TYW1: variants seen among roughly 807,000 people sequenced by gnomAD.
The protein encoded by TYW1 is S-adenosyl-L-methionine-dependent tRNA 4-demethylwyosine synthase TYW1.
A neutral mutation model predicts 96.2 loss-of-function variants in TYW1; 46 were observed. The observed-to-expected ratio is 0.48, with a 90% CI of 0.38 to 0.61. The LOEUF is 0.61. TYW1 is among the 20% of genes least tolerant of loss of function. TYW1 has a pLI of 0.00. For missense variants in TYW1, 684 were observed against 909.6 expected (o/e 0.75, Z 3.19); for synonymous variants, 274 against 323.0 (o/e 0.85, Z 1.63).
intron 3 of TYW1, among the ~76,000 whole-genome samples, chr7:67,008,268 C>T (rs1000070642): frequency 2.6e-5 from 4 of 152,224 alleles, no homozygotes; most frequent in Admixed American, 2.6e-4. Context: ...ACCAAGTCAA[C>T]AGTCTCCATT....
intron 8 of TYW1, among the ~76,000 whole-genome samples, chr7:67,054,939 G>A (rs1442488159): frequency 1.3e-5 from 2 of 152,304 alleles, no homozygotes; most frequent in Middle Eastern, 3.4e-3. Context: ...GAGAATTCAC[G>A]TTTAAGATGT....
At chr7:67,094,602 TAC>T in intron 11 of TYW1, among the ~76,000 whole-genome samples, 1 of 151,898 alleles carries the variant, frequency 6.6e-6, no homozygotes, top group Non-Finnish European at 1.5e-5. Context: ...TCACGTAACT[TAC>T]ACTTTCGTAT....
At chr7:67,131,181 G>T (rs1163279713) in intron 13 of TYW1, among the ~76,000 whole-genome samples, 2 of 151,916 alleles carry the variant, frequency 1.3e-5, no homozygotes, top group Non-Finnish European at 2.9e-5. Flanking sequence ...TATTGTGTGT[G>T]TAATTTTGGG....
intron 13 of TYW1, among the ~76,000 whole-genome samples, chr7:67,131,583 G>A (rs1172133577): frequency 3.3e-5 from 5 of 152,012 alleles, no homozygotes; most frequent in Non-Finnish European, 5.9e-5. Context: ...ATTCCATATT[G>A]TATTAATGAG....
chr7:67,154,997 G>T (rs1829932), intron 13 of TYW1, among the ~76,000 whole-genome samples: 1 of 151,776 alleles, frequency 6.6e-6, no homozygotes, highest in Non-Finnish European at 1.5e-5. Context: ...TTCATTCATT[G>T]AATTCTTCTG....
At chr7:67,040,501 A>G in intron 7 of TYW1, among the ~76,000 whole-genome samples, 1 of 151,984 alleles carries the variant, frequency 6.6e-6, no homozygotes, top group Non-Finnish European at 1.5e-5. Context: ...GATGCATGTG[A>G]TAGCTGATTG....
intron 4 of TYW1, among the ~76,000 whole-genome samples, chr7:67,011,034 C>T (rs2129239919): frequency 6.6e-6 from 1 of 152,152 alleles, no homozygotes; most frequent in Middle Eastern, 3.4e-3. Context: ...GACCTCAATG[C>T]ATTAGTTAAT....
intron 15 of TYW1, among the ~76,000 whole-genome samples, chr7:67,217,223 A>G (rs1315089139): frequency 2.0e-5 from 3 of 151,702 alleles, no homozygotes; most frequent in Non-Finnish European, 4.4e-5. Flanking sequence ...TTGCCTTTTT[A>G]CTCTGTTGAT....
At chr7:67,028,538 T>C (rs1404319053) in intron 7 of TYW1, among the ~76,000 whole-genome samples, 1 of 152,208 alleles carries the variant, frequency 6.6e-6, no homozygotes, top group Non-Finnish European at 1.5e-5. Flanking sequence ...TTAACTTTAC[T>C]CATAATAAGA....
intron 13 of TYW1, among the ~76,000 whole-genome samples, chr7:67,162,331 A>T (rs113210428): frequency 1.5e-5 from 2 of 137,322 alleles, no homozygotes; most frequent in African/African-American, 5.7e-5. Flanking sequence ...AAAAAAAAAA[A>T]AAAAATTCTG....
chr7:67,104,410 T>C lies in TYW1; in HGVS notation c.1562+5692T>C, dbSNP rs540029371. Among the ~76,000 whole-genome samples, 6 of 152,212 alleles carry C rather than the reference T, an allele frequency of 3.9e-5. No individual in the cohort carries two copies. The East Asian group carries it at 1.2e-3, about 29-fold the overall frequency. On this transcript the variant is annotated intron_variant, in intron 12 of 15. Transcript: ENST00000359626. ...GAAGAGAATGAAGGGGGAAGGGAAA[T>C]GTTACACACTTTTAAACAACCAGAT...
rs202120294 is a variant in TYW1 at position 67,184,591 on chromosome 7, CATTTTATTTTATTTTATTTTATTTT to C, written c.1809+1390_1809+1414del. On this transcript the variant is annotated intron_variant, in intron 14 of 15. Coordinates refer to ENST00000359626, the MANE Select transcript of TYW1 (RefSeq NM_018264.4). Reference sequence around the variant, plus strand: ...TTTTAGGGAAGCTTTTCTGAGATGACATTTTATTTTATTTTATTTTATTTTATTTTATTTTATTTTATTTTATTTT... The same window carrying C: ...TTTTAGGGAAGCTTTTCTGAGATGACATTTTATTTTATTTTATTTTATTTT... Among the ~76,000 whole-genome samples the C allele has an allele frequency of 2.3e-3, 196 of 84,222 alleles. 17 individuals carry two copies. The highest frequency in any genetic ancestry group is 8.4e-3 in the South Asian group (19 of 2,274). The allele number at this position is 84,222 out of a possible 152,430, so 55.3% of individuals were successfully genotyped here.
In TYW1 at chr7:67,056,156, G is replaced by A. The variant is rs112409595; in HGVS notation, c.1155+269G>A. 4.8e-4 allele frequency among the ~76,000 whole-genome samples: 73 copies of A among 152,238 alleles called. 1 individual carries two copies. Among genetic ancestry groups the A allele is most frequent in the African/African-American group, 1.7e-3 (70 of 41,544 alleles). ...AACTCCCTTTCCCTAGGGAATTCTT[G>A]TTCTAATTGCTATTACTGTTATTTG... is the stretch of plus-strand genomic sequence containing the variant. On this transcript the variant is annotated intron_variant, in intron 9 of 15. Transcript: ENST00000359626.
chr7:67,029,420 T>TATATATATAC (rs1794594757), intron 7 of TYW1, among the ~76,000 whole-genome samples: 1 of 118,532 alleles, frequency 8.4e-6, no homozygotes, highest in African/African-American at 3.3e-5. Context: ...TGTGTGTATA[T>TATATATATAC]ATATATATAT....
At chr7:67,013,995 A>G (rs866203178) in intron 4 of TYW1, among the ~76,000 whole-genome samples, 9 of 152,152 alleles carry the variant, frequency 5.9e-5, no homozygotes, top group South Asian at 4.1e-4. Context: ...CGCCCGCCTC[A>G]GCCTCCCAAA....
intron 3 of TYW1, among the ~76,000 whole-genome samples, chr7:67,003,101 T>C (rs1194386304): frequency 6.6e-6 from 1 of 152,076 alleles, no homozygotes; most frequent in Non-Finnish European, 1.5e-5. Context: ...TAACTGTTTC[T>C]CTCAACTCCA....
chr7:67,030,455 C>A lies in TYW1; in HGVS notation c.984+5433C>A, dbSNP rs184026447. On this transcript the variant is annotated intron_variant, in intron 7 of 15. Coordinates refer to ENST00000359626, the MANE Select transcript of TYW1 (RefSeq NM_018264.4). ...GACCAGCCTAACCAACATGATGAAACCCCATCTCTATTAAAAAAATACAAA... is the reference window on the plus strand; with the variant it reads ...GACCAGCCTAACCAACATGATGAAAACCCATCTCTATTAAAAAAATACAAA... Among the ~76,000 whole-genome samples the A allele has an allele frequency of 3.9e-3, 587 of 152,058 alleles. 2 individuals carry two copies. Among genetic ancestry groups the A allele is most frequent in the African/African-American group, 0.013 (543 of 41,462 alleles).
At chr7:67,075,839 C>T (rs1445954079) in intron 10 of TYW1, among the ~76,000 whole-genome samples, 1 of 152,196 alleles carries the variant, frequency 6.6e-6, no homozygotes, top group African/African-American at 2.4e-5. Flanking sequence ...AGAGGCTCCT[C>T]TTCAAAGAGA....
intron 14 of TYW1, among the ~76,000 whole-genome samples, chr7:67,190,421 C>T (rs1800171329): frequency 6.6e-6 from 1 of 152,232 alleles, no homozygotes; most frequent in South Asian, 2.1e-4. Flanking sequence ...ACAGCCCCTG[C>T]CCTCAAAGGG....
Sources: gnomAD v4.1 joint callset for allele counts (sites outside exome capture counted in the v4.1 genomes callset) on GRCh38, gnomAD v4.1.1 for gene constraint, MANE v1.5 for transcripts, NCBI Gene and HGNC (gene_info 2026-07-23, HGNC 2026-07-21) for gene names.